FRRS1: variants seen among roughly 807,000 people sequenced by gnomAD.
FRRS1 encodes ferric reductase 1.
In FRRS1, 51 loss-of-function variants were observed where a neutral mutation model predicts 70.7. That is an observed-to-expected ratio of 0.72 (90% CI 0.58 to 0.91). The LOEUF (loss-of-function observed/expected upper bound fraction) is 0.91, where lower values mean the gene tolerates loss of function less well. Ranked by LOEUF, FRRS1 falls within the 40% of genes least tolerant of loss-of-function variation. FRRS1 has a pLI of 0.00. For missense variants in FRRS1, 672 were observed against 726.0 expected, an observed-to-expected ratio of 0.93 and a Z score of 0.86; for synonymous variants, 225 against 238.7, an observed-to-expected ratio of 0.94 and a Z score of 0.53.
At position 99,733,546 on chromosome 1, in the gene FRRS1, C is replaced by T. The variant is rs193212958; in HGVS notation, c.760-3798G>A. ...AGACACATCAAAAGGGCACAGAAGC[C>T]TGCTTGAAAGGGCTCCCATTGGCCG... On this transcript the variant is annotated intron_variant, in intron 7 of 16. Coordinates refer to ENST00000646001, the MANE Select transcript of FRRS1 (RefSeq NM_001361041.2). 9.9e-5 allele frequency among the ~76,000 whole-genome samples: 15 copies of T among 152,240 alleles called. No individual in the cohort carries two copies. In the East Asian group the frequency reaches 2.9e-3, roughly 29 times the overall value.
rs763959339 is a variant in FRRS1, at chr1:99,708,049, A to C, written c.*979T>G. On this transcript the variant is annotated 3_prime_UTR_variant, in exon 17 of 17. Transcript: ENST00000646001. ...CATCTCTGTAGCTGAATACATAAAT[A>C]GTATCTTTAAGTAAAAGATGCATAC... 6.6e-6 allele frequency among the ~76,000 whole-genome samples: 1 copy of C among 152,238 alleles called. No individual in the cohort carries two copies. Among genetic ancestry groups the C allele is most frequent in the South Asian group, 2.1e-4 (1 of 4,836 alleles).
intron 1 of FRRS1, among the ~76,000 whole-genome samples, chr1:99,754,538 C>T (rs899197372): frequency 6.6e-6 from 1 of 151,144 alleles, no homozygotes; most frequent in African/African-American, 2.4e-5. Context: ...ATGCACAGAT[C>T]CAGAAGGCAG....
chr1:99,717,495 G>A lies in FRRS1; in HGVS notation c.1151C>T (p.Thr384Ile). 8.7e-6 allele frequency: 14 copies of A among 1,613,808 alleles called. No homozygotes were observed. Among genetic ancestry groups the A allele is most frequent in the Non-Finnish European group, 1.1e-5 (13 of 1,179,764 alleles). ...GALMFVAWMT[T>I]VSIGVLVARF... The stretch of plus-strand genomic sequence containing the variant: ...GGCAACCAGTACACCTATGCTAACA[G>A]TAGTCATCCATGCCACAAACATTAA... The change falls in exon 11 of 17, where the codon ACT becomes ATT. Residue 384 changes from threonine (T) to isoleucine (I), a missense_variant. Thr to Ile is a moderately conservative substitution (Grantham distance 89). Transcript: ENST00000646001.
At chr1:99,737,781 C>A (rs908362010) in intron 7 of FRRS1, among the ~76,000 whole-genome samples, 3 of 152,098 alleles carry the variant, frequency 2.0e-5, no homozygotes, top group Non-Finnish European at 4.4e-5. Flanking sequence ...CTCACTCTGT[C>A]GCCCAGGCTG....
At chr1:99,715,029 T>TA (rs900363133) in intron 12 of FRRS1, among the ~76,000 whole-genome samples, 2 of 152,102 alleles carry the variant, frequency 1.3e-5, no homozygotes, top group African/African-American at 4.8e-5. Flanking sequence ...GATTTTTTAA[T>TA]AAAAATATAT....
chr1:99,746,064 T>G (rs1656248583), intron 4 of FRRS1, among the ~76,000 whole-genome samples: 2 of 152,222 alleles, frequency 1.3e-5, no homozygotes, highest in South Asian at 4.2e-4. Context: ...GCCTCTTTCC[T>G]TGTTAAATTA....
Position 99,724,937 on chromosome 1 carries a change from G to T in FRRS1, c.1006+3556C>A, listed in dbSNP as rs371099153. Among the ~76,000 whole-genome samples, 7 of 151,630 alleles carry T rather than the reference G, an allele frequency of 4.6e-5. No individual in the cohort carries two copies. In the East Asian group the frequency reaches 9.7e-4, roughly 21 times the overall value. ...ATCTATTATATCTAATACATATTAAGATATTAATATGTATTAATATCTTAT... is the reference window on the plus strand; with the variant it reads ...ATCTATTATATCTAATACATATTAATATATTAATATGTATTAATATCTTAT... On this transcript the variant is annotated intron_variant, in intron 9 of 16. Transcript: ENST00000646001.
Position 99,705,313 on chromosome 1 carries a change from G to C in FRRS1, c.*3715C>G, listed in dbSNP as rs1274471747. On this transcript the variant is annotated 3_prime_UTR_variant, in exon 17 of 17. Coordinates refer to ENST00000646001, the MANE Select transcript of FRRS1 (RefSeq NM_001361041.2). ...CAGGCTGGTAACCATCTGTGACCTG[G>C]GTGCAGAGATGAGCTTGGTAGGGGC... 2.0e-5 allele frequency among the ~76,000 whole-genome samples: 3 copies of C among 152,176 alleles called. No individual in the cohort carries two copies. The highest frequency in any genetic ancestry group is 1.3e-4 in the Admixed American group (2 of 15,278).
At chr1:99,746,515 G>C (rs187881928) in intron 4 of FRRS1, among the ~76,000 whole-genome samples, 38 of 152,252 alleles carry the variant, frequency 2.5e-4, no homozygotes, top group Admixed American at 2.2e-3. Flanking sequence ...AAAAAGGTGG[G>C]GGACGAAGGG....
chr1:99,753,873 C>T (rs1278333190), intron 1 of FRRS1, among the ~76,000 whole-genome samples: 3 of 152,134 alleles, frequency 2.0e-5, no homozygotes, highest in South Asian at 4.1e-4. Flanking sequence ...GAAACAGACC[C>T]TATTATGTGT....
At chr1:99,714,205 G>A (rs1051269533) in intron 12 of FRRS1, among the ~76,000 whole-genome samples, 5 of 149,580 alleles carry the variant, frequency 3.3e-5, no homozygotes, top group African/African-American at 1.2e-4. Flanking sequence ...TTTTTTTGAG[G>A]TGGAGTCTCA....
At chr1:99,717,369 A>T in intron 11 of FRRS1, 41 bp downstream of exon 11, 1 of 1,207,408 alleles carries the variant, frequency 8.3e-7, no homozygotes, top group Non-Finnish European at 1.2e-6. Flanking sequence ...GCAATGTTCA[A>T]ATACTATGAA....
At chr1:99,761,834 AAACTGCATTTCGCTATAGTAATT>A (rs1164428139) in intron 1 of FRRS1, among the ~76,000 whole-genome samples, 1 of 152,232 alleles carries the variant, frequency 6.6e-6, no homozygotes, top group Admixed American at 6.5e-5. Flanking sequence ...AGAAATTTTA[AAACTGCATTTCGCTATAGTAATT>A]TAGAGGTATG....
Position 99,742,124 on chromosome 1 carries a change from G to A in FRRS1, c.428+55C>T, listed in dbSNP as rs565943609. The A allele has an allele frequency of 4.0e-4, 444 of 1,122,754 alleles. 3 individuals are homozygous for A. Among genetic ancestry groups the A allele is most frequent in the Admixed American group, 1.2e-3 (71 of 58,650 alleles). The allele number at this position is 1,122,754 out of a possible 1,614,324, so 69.5% of individuals were successfully genotyped here. A position where few individuals can be genotyped will look rare whatever the true frequency, so the allele number is the denominator to read the frequency against. ...CCACCTTGGCATCCCAAAGTGCTGG[G>A]ATTATAGGCATGAGCCACCATGCCT... is the stretch of plus-strand genomic sequence containing the variant. On this transcript the variant is annotated intron_variant, in intron 5 of 16. Transcript: ENST00000646001.
chr1:99,746,679 T>C (rs1352467256), intron 4 of FRRS1, among the ~76,000 whole-genome samples: 1 of 152,180 alleles, frequency 6.6e-6, no homozygotes, highest in Non-Finnish European at 1.5e-5. Context: ...CAAACTGACA[T>C]TAGACAACCT....
chr1:99,744,232 A>G (rs1656122944), intron 4 of FRRS1, among the ~76,000 whole-genome samples: 1 of 152,218 alleles, frequency 6.6e-6, no homozygotes, highest in South Asian at 2.1e-4. Context: ...GGATACTTAT[A>G]GACTAATATT....
chr1:99,743,028 A>T (rs947167836), intron 4 of FRRS1, among the ~76,000 whole-genome samples: 1 of 152,268 alleles, frequency 6.6e-6, no homozygotes, highest in Non-Finnish European at 1.5e-5. Context: ...GACTCCTGTC[A>T]TACTCTAGAT....
intron 1 of FRRS1, among the ~76,000 whole-genome samples, chr1:99,751,495 T>C (rs1256527405): frequency 6.6e-6 from 1 of 152,136 alleles, no homozygotes; most frequent in East Asian, 1.9e-4. Flanking sequence ...TAAGTGTTTT[T>C]TTAAATCCTG....
At chr1:99,758,900 G>C (rs1480284873) in intron 1 of FRRS1, among the ~76,000 whole-genome samples, 1 of 152,156 alleles carries the variant, frequency 6.6e-6, no homozygotes, top group African/African-American at 2.4e-5. Flanking sequence ...ATGGGGTTGA[G>C]ATAAGGACTG....
Sources: allele counts gnomAD v4.1 joint callset (sites outside exome capture counted in the v4.1 genomes callset), GRCh38; gene constraint gnomAD v4.1.1; transcripts MANE v1.5; gene names NCBI Gene and HGNC (gene_info 2026-07-23, HGNC 2026-07-21).